The following CRIP2 variants were observed in gnomAD, a reference collection of about 807,000 sequenced individuals.
CRIP2 encodes cysteine-rich protein 2.
In CRIP2, 31 loss-of-function variants were observed where a neutral mutation model predicts 31.3. The ratio of observed to expected loss-of-function variants is 0.99; its 90% CI spans 0.74 to 1.34. The LOEUF (loss-of-function observed/expected upper bound fraction) is 1.34, where lower values mean the gene tolerates loss of function less well. Among genes scored for constraint, CRIP2 ranks in the 40% most tolerant of loss-of-function variants. The pLI is 0.00. For missense variants in CRIP2, 389 were observed against 301.6 expected, an observed-to-expected ratio of 1.29 and a Z score of -2.15; for synonymous variants, 177 against 127.2, an observed-to-expected ratio of 1.39 and a Z score of -2.63.
In CRIP2 at chr14:105,478,445, CGCA is replaced by C. The variant is rs782531269; in HGVS notation, c.139-1_140del. 1 of 1,603,558 alleles carries C rather than the reference CGCA, an allele frequency of 6.2e-7. No homozygotes were observed. The highest frequency in any genetic ancestry group is 1.3e-5 in the African/African-American group (1 of 74,890). On this transcript the variant is annotated splice_acceptor_variant and splice_polypyrimidine_tract_variant and intron_variant, in intron 2 of 7. Coordinates refer to ENST00000329146, the MANE Select transcript of CRIP2 (RefSeq NM_001312.4). LOFTEE classifies it high-confidence loss of function. This position sits in a 1 kb window ranked among gnomAD's most constrained non-coding sequence, Gnocchi z 4.9. Reference sequence around the variant, plus strand: ...CAGGGTCCTGACCCGCGCCCCTCTGCGCAGCATGACGGGAAGCCGTTCTGCCAC... The same window carrying C: ...CAGGGTCCTGACCCGCGCCCCTCTGCGCATGACGGGAAGCCGTTCTGCCAC...
rs2084016619 is a variant in CRIP2 at position 105,478,870 on chromosome 14, A to T, written c.336A>T (p.Arg112Ser). The T allele has an allele frequency of 4.9e-6, 7 of 1,436,520 alleles. No individual in the cohort carries two copies. Among genetic ancestry groups the T allele is most frequent in the Non-Finnish European group, 6.3e-6 (7 of 1,106,376 alleles). 89.0% of individuals were successfully genotyped at this position (1,436,520 alleles called of 1,614,324 possible). The change falls in exon 4 of 8, where the codon AGA (arginine) becomes AGT (serine). Residue 112 changes from arginine to serine, a missense_variant and splice_region_variant. Coordinates refer to ENST00000329146, the MANE Select transcript of CRIP2 (RefSeq NM_001312.4). This position sits in a 1 kb window ranked among gnomAD's most constrained non-coding sequence, Gnocchi z 4.9. ...KASGPPKGPSRASSVTTFTGE... is the reference protein window; with the variant it reads ...KASGPPKGPSSASSVTTFTGE... Reference sequence around the variant, plus strand: ...GCGGCCCCCCGAAGGGGCCCAGCAGAGGTGGGCTGGGCGCGGGCTGGGGCT... The same window carrying T: ...GCGGCCCCCCGAAGGGGCCCAGCAGTGGTGGGCTGGGCGCGGGCTGGGGCT...
upstream of CRIP2, chr14:105,473,583 T>C (rs1595446396): frequency 7.5e-6 from 11 of 1,472,472 alleles, 1 homozygote; most frequent in Admixed American, 4.2e-5. Context: ...GCTGCCCCCA[T>C]AGGGCCTGAT....
chr14:105,474,252 C>G (rs896455897), upstream of CRIP2: 9 of 151,582 alleles, frequency 5.9e-5, no homozygotes, highest in African/African-American at 1.9e-4. This position sits in a 1 kb window ranked among gnomAD's most constrained non-coding sequence, Gnocchi z 5.1. Flanking sequence ...CATGGAGACC[C>G]GGACAGGGCT....
intron 1 of CRIP2, chr14:105,476,930 C>T: frequency 3.7e-6 from 1 of 267,100 alleles, no homozygotes; most frequent in Non-Finnish European, 5.8e-6. Context: ...ATCTCACTGC[C>T]AGGAGCAGCA....
At chr14:105,476,768 G>A (rs1050780543) in intron 1 of CRIP2, 2 of 985,476 alleles carry the variant, frequency 2.0e-6, no homozygotes, top group Non-Finnish European at 1.2e-6. Context: ...CTTGAGTGGA[G>A]TGGTTCTGGT....
rs868955615 is a variant in CRIP2 at position 105,477,683 on chromosome 14, G to A, written c.44-583G>A. ...TGTGGGGGGAGGCAGGTGTGTGGGGGGAAGCGGGTGTGTGTCTGAGGAAGC... is the reference window on the plus strand; with the variant it reads ...TGTGGGGGGAGGCAGGTGTGTGGGGAGAAGCGGGTGTGTGTCTGAGGAAGC... On this transcript the variant is annotated intron_variant, in intron 1 of 7. Transcript: ENST00000329146. 1.9e-5 allele frequency: 18 copies of A among 962,382 alleles called. No homozygotes were observed. The African/African-American group carries it at 3.1e-4, about 16-fold the overall frequency. 59.6% of individuals were successfully genotyped at this position (962,382 alleles called of 1,614,324 possible).
At position 105,479,171 on chromosome 14, in the gene CRIP2, G is replaced by T; in HGVS notation, c.453G>T (p.Leu151=). The change falls in exon 6 of 8, where the codon CTG becomes CTT. Residue 151 remains leucine (L), a synonymous_variant. Coordinates refer to ENST00000329146, the MANE Select transcript of CRIP2 (RefSeq NM_001312.4). Reference sequence around the variant, plus strand: ...GCAAGGATTGGCACCGGCCCTGCCTGCGCTGCGAGCGCTGCGGGAAGACAC... The same window carrying T: ...GCAAGGATTGGCACCGGCCCTGCCTTCGCTGCGAGCGCTGCGGGAAGACAC... ...SLGKDWHRPC[L]RCERCGKTLT... 6.2e-7 allele frequency: 1 copy of T among 1,611,678 alleles called. No individual in the cohort carries two copies.
In CRIP2 at chr14:105,477,327, C is replaced by A. The variant is rs2083953528; in HGVS notation, c.44-939C>A. On this transcript the variant is annotated intron_variant, in intron 1 of 7. Transcript: ENST00000329146. ...AGCAGCTGCCCTCAGATCTTCCATGCCAGTGGCAGCCAGGGGCATTACGGC... is the reference window on the plus strand; with the variant it reads ...AGCAGCTGCCCTCAGATCTTCCATGACAGTGGCAGCCAGGGGCATTACGGC... The A allele has an allele frequency of 7.1e-6, 7 of 985,364 alleles. No homozygotes were observed. The South Asian group carries it at 3.3e-4, about 46-fold the overall frequency. The allele number at this position is 985,364 out of a possible 1,614,324, so 61.0% of individuals were successfully genotyped here.
At chr14:105,473,324 G>A (rs1276389333), upstream of CRIP2, 393 of 1,532,106 alleles carry the variant, frequency 2.6e-4, no homozygotes, top group Admixed American at 3.2e-3. Flanking sequence ...CTGGTCAGTC[G>A]GGCGGGGGGG....
chr14:105,477,875 CAGG>C (rs2083977965), intron 1 of CRIP2, among the ~76,000 whole-genome samples: 1 of 22,570 alleles, frequency 4.4e-5, no homozygotes, highest in South Asian at 0.012. Flanking sequence ...GGAGCGCGGG[CAGG>C]TGTTGGAGCG....
At chr14:105,479,392 G>A in intron 6 of CRIP2, 44 bp from the exon 7 acceptor site, 1 of 1,608,962 alleles carries the variant, frequency 6.2e-7, no homozygotes, top group South Asian at 1.1e-5. Flanking sequence ...GATGGGTCGG[G>A]GGAGTCTGTG....
At chr14:105,474,772 C>T, upstream of CRIP2, 1 of 1,162,568 alleles carries the variant, frequency 8.6e-7, no homozygotes, top group Middle Eastern at 2.5e-4. This position sits in a 1 kb window ranked among gnomAD's most constrained non-coding sequence, Gnocchi z 5.1. Context: ...CCAATGGGCG[C>T]GCGGACAGCC....
chr14:105,476,830 C>G, intron 1 of CRIP2: 1 of 933,628 alleles, frequency 1.1e-6, no homozygotes, highest in Non-Finnish European at 1.3e-6. Context: ...GTCCTGGAGG[C>G]TGGCCCTGGC....
Position 105,474,983 on chromosome 14 carries a change from G to T in CRIP2, c.43+78G>T. ...GCCAGTCCCGCGCCGCAGAGCCGCG[G>T]CGTAACTCGGGGTGCGCCCGGCCCC... On this transcript the variant is annotated intron_variant, in intron 1 of 7. Transcript: ENST00000329146. The surrounding 1 kb of genome is among the most constrained non-coding windows in gnomAD (Gnocchi z 5.1). 7.3e-7 allele frequency: 1 copy of T among 1,364,592 alleles called. No homozygotes were observed. The highest frequency in any genetic ancestry group is 1.7e-5 in the South Asian group (1 of 59,428). The allele number at this position is 1,364,592 out of a possible 1,614,324, so 84.5% of individuals were successfully genotyped here. A position where few individuals can be genotyped will look rare whatever the true frequency, so the allele number is the denominator to read the frequency against.
intron 1 of CRIP2, chr14:105,476,372 A>G: frequency 1.0e-6 from 1 of 985,442 alleles, no homozygotes; most frequent in Non-Finnish European, 1.2e-6. Flanking sequence ...GAGGGTCCAG[A>G]ATCCTGCCCA....
chr14:105,473,435 A>G (rs1555435166), upstream of CRIP2: 1 of 1,535,580 alleles, frequency 6.5e-7, no homozygotes, highest in East Asian at 2.4e-5. Context: ...CCCAGCCAGG[A>G]CCACCATGAA....
upstream of CRIP2, chr14:105,473,475 C>T: frequency 6.5e-7 from 1 of 1,535,662 alleles, no homozygotes. Context: ...CTCTGGTTGG[C>T]TCACAAACAT....
At chr14:105,475,340 CCCCGGGAACAAGTG>C (rs1217543561) in intron 1 of CRIP2, 1 of 161,710 alleles carries the variant, frequency 6.2e-6, no homozygotes, top group Non-Finnish European at 1.3e-5. Flanking sequence ...CACCCGCTTC[CCCCGGGAACAAGTG>C]GCCGGGAACA....
chr14:105,479,743 G>A lies in CRIP2; in HGVS notation c.*90G>A, dbSNP rs1179922580. Reference sequence around the variant, plus strand: ...GGCTCTGCTGGGAGAGTGCTCAGCCGCCCAGTCCTGCCTGCAAGCCCAGGG... The same window carrying A: ...GGCTCTGCTGGGAGAGTGCTCAGCCACCCAGTCCTGCCTGCAAGCCCAGGG... On this transcript the variant is annotated 3_prime_UTR_variant, in exon 8 of 8. Transcript: ENST00000329146. The A allele has an allele frequency of 1.6e-5, 22 of 1,363,522 alleles. No individual in the cohort carries two copies. The highest frequency in any genetic ancestry group is 2.9e-5 in the African/African-American group (2 of 69,342). 84.5% of individuals were successfully genotyped at this position (1,363,522 alleles called of 1,614,324 possible).
Sources: gnomAD v4.1 joint callset for allele counts (sites outside exome capture counted in the v4.1 genomes callset) on GRCh38, gnomAD v4.1.1 for gene constraint, Gnocchi (gnomAD v3.1) non-coding constraint, MANE v1.5 for transcripts, NCBI Gene and HGNC (gene_info 2026-07-23, HGNC 2026-07-21) for gene names.